The following SON variants were observed in gnomAD, a reference collection of about 807,000 sequenced individuals.
The protein encoded by SON is SON DNA and RNA binding protein.
A neutral mutation model predicts 173.3 loss-of-function variants in SON; 4 were observed. That is an observed-to-expected ratio of 0.02 (90% CI 0.01 to 0.05). The LOEUF is 0.05. Among genes scored for constraint, SON ranks in the 10% least tolerant of loss-of-function variants. SON has a pLI of 1.00. For missense variants in SON, 2,626 were observed against 3,055.3 expected (o/e 0.86, Z 3.31); for synonymous variants, 1,190 against 1,105.9 (o/e 1.08, Z -1.51).
In SON at chr21:33,555,245, TAAG is replaced by T; in HGVS notation, c.6019_6021del (p.Arg2008del). 2.5e-6 allele frequency: 4 copies of T among 1,611,788 alleles called. No individual in the cohort carries two copies. The highest frequency in any genetic ancestry group is 3.4e-6 in the Non-Finnish European group (4 of 1,179,288). ...CGCCGGAGAAGATCAAGGTCTGTGG[TAAG>T]AAGACGAAGCTTCAGTATCTCACCA... On this transcript the variant is annotated inframe_deletion, in exon 3 of 12. Transcript: ENST00000356577.
rs375551911 is a variant in SON, at chr21:33,559,839, T to A, written c.6657+64T>A. The A allele has an allele frequency of 6.2e-7, 1 of 1,604,326 alleles. No individual in the cohort carries two copies. Among genetic ancestry groups the A allele is most frequent in the Non-Finnish European group, 8.5e-7 (1 of 1,173,682 alleles). On this transcript the variant is annotated intron_variant, in intron 6 of 11. Transcript: ENST00000356577. The surrounding 1 kb of genome is among the most constrained non-coding windows in gnomAD (Gnocchi z 4.1). ...ACCTGAATCTGCCATTTCATTGTTA[T>A]GTTATGTCTGATTTGGATTCTGTTT...
At chr21:33,567,313 A>T in intron 7 of SON, 46 bp downstream of exon 7, 1 of 1,055,028 alleles carries the variant, frequency 9.5e-7, no homozygotes, top group Non-Finnish European at 1.5e-6. Context: ...CCATCAGCCA[A>T]CTCACACCAA....
intron 8 of SON, 159 bp downstream of exon 8, chr21:33,569,246 G>A (rs1449528953): frequency 5.4e-6 from 3 of 552,450 alleles, no homozygotes; most frequent in Non-Finnish European, 9.9e-6. Flanking sequence ...AGACGGACTG[G>A]ATTCATGAGA....
chr21:33,546,019 T>C (rs375956865), intron 1 of SON, among the ~76,000 whole-genome samples, 194 bp from the exon 2 acceptor site: 37 of 152,374 alleles, frequency 2.4e-4, no homozygotes, highest in African/African-American at 7.7e-4. Context: ...CTGAAAACTT[T>C]AATTGTATAA....
chr21:33,552,343 G>A lies in SON; in HGVS notation c.3112G>A (p.Glu1038Lys). Residue 1038 changes from glutamate (E) to lysine (K), a missense_variant, in exon 3 of 12, where the codon GAG becomes AAG. By Grantham distance (56) the Glu-to-Lys change is moderately conservative (BLOSUM62 1). Coordinates refer to ENST00000356577, the MANE Select transcript of SON (RefSeq NM_138927.4). The surrounding 1 kb of genome is among the most constrained non-coding windows in gnomAD (Gnocchi z 5.6). Reference protein sequence around the residue: ...MAERSMMSAYERSMMSAYERS... With the variant: ...MAERSMMSAYKRSMMSAYERS... ...TGAACGCTCTATGATGTCAGCCTAC[G>A]AGCGCTCTATGATGTCAGCCTACGA... The A allele has an allele frequency of 6.2e-7, 1 of 1,613,220 alleles. No individual in the cohort carries two copies. Among genetic ancestry groups the A allele is most frequent in the Non-Finnish European group, 8.5e-7 (1 of 1,179,500 alleles).
rs1192608177 is a variant in SON, at chr21:33,554,918, A to C, written c.5687A>C (p.Lys1896Thr). The change falls in exon 3 of 12, where the codon AAG (lysine) becomes ACG (threonine). Residue 1896 changes from lysine (K) to threonine (T), a missense_variant. By Grantham distance (78) the Lys-to-Thr change is moderately conservative. Around this residue, in one of 13 missense-constraint regions of SON, gnomAD observed 1,006 missense variants for 895.6 expected, o/e 1.12. Transcript: ENST00000356577. ...VSKEKRKRSP[K>T]HRSKSRERKR... is the part of the protein sequence containing the mutation. ...AAAGAGAAGCGCAAAAGATCTCCAA[A>C]GCACAGATCCAAGTCTAGGGAAAGA... The C allele has an allele frequency of 1.2e-6, 2 of 1,614,206 alleles. No homozygotes were observed. The highest frequency in any genetic ancestry group is 2.2e-5 in the South Asian group (2 of 91,088).
At position 33,553,837 on chromosome 21, in the gene SON, A is replaced by G; in HGVS notation, c.4606A>G (p.Ile1536Val). The G allele has an allele frequency of 6.2e-7, 1 of 1,613,890 alleles. No individual in the cohort carries two copies. The highest frequency in any genetic ancestry group is 8.5e-7 in the Non-Finnish European group (1 of 1,179,818). ...SEHGINIDLN[I>V]NNHLIAKEME... is the part of the protein sequence containing the mutation. ...ACATGGTATAAATATAGACCTTAAT[A>G]TAAATAATCATTTAATTGCTAAAGA... is the stretch of plus-strand genomic sequence containing the variant. The change falls in exon 3 of 12, where the codon ATA becomes GTA. Residue 1536 changes from isoleucine (I) to valine (V), a missense_variant. Ile to Val is a conservative substitution (Grantham distance 29). Coordinates refer to ENST00000356577, the MANE Select transcript of SON (RefSeq NM_138927.4).
chr21:33,546,142 G>A (rs1003428164), intron 1 of SON, 71 bp from the exon 2 acceptor site: 38 of 1,316,618 alleles, frequency 2.9e-5, no homozygotes, highest in East Asian at 5.0e-5. Flanking sequence ...TATGATTATT[G>A]TAATTAATTG....
Position 33,554,212 on chromosome 21 carries a change from G to A in SON, c.4981G>A (p.Ala1661Thr), listed in dbSNP as rs2085897491. 1.9e-6 allele frequency: 3 copies of A among 1,614,072 alleles called. No individual in the cohort carries two copies. Among genetic ancestry groups the A allele is most frequent in the Non-Finnish European group, 2.5e-6 (3 of 1,179,934 alleles). ...SEADIEGPLP[A>T]KDIHLDLPSN... The stretch of plus-strand genomic sequence containing the variant: ...AGCTGACATTGAAGGGCCTTTGCCT[G>A]CTAAAGATATTCATCTTGATTTACC... The change falls in exon 3 of 12, where the codon GCT becomes ACT. Residue 1661 changes from alanine (A) to threonine (T), a missense_variant. Physicochemically the swap from Ala to Thr is moderately conservative, Grantham distance 58. This residue lies in a region of SON where 1,006 missense variants were observed against 895.6 expected (regional missense o/e 1.12). Coordinates refer to ENST00000356577, the MANE Select transcript of SON (RefSeq NM_138927.4).
At chr21:33,557,778 C>A in intron 4 of SON, 1 of 1,267,044 alleles carries the variant, frequency 7.9e-7, no homozygotes, top group South Asian at 1.7e-5. Context: ...AAAGGAACTT[C>A]TTTCGCATCA....
At chr21:33,570,425 C>G (rs1339103436) in intron 8 of SON, among the ~76,000 whole-genome samples, 5 of 152,158 alleles carry the variant, frequency 3.3e-5, no homozygotes, top group African/African-American at 1.2e-4. Flanking sequence ...ATCATGTATA[C>G]TCATTATGCC....
At position 33,566,206 on chromosome 21, in the gene SON, A is replaced by T. The variant is rs2086167863; in HGVS notation, c.6658-951A>T. On this transcript the variant is annotated intron_variant, in intron 6 of 11. Coordinates refer to ENST00000356577, the MANE Select transcript of SON (RefSeq NM_138927.4). ...GTCAGATAAGCATTTTACAAAAATGAATTTTCTTGTGTGAGATAACTAGGA... is the reference window on the plus strand; with the variant it reads ...GTCAGATAAGCATTTTACAAAAATGTATTTTCTTGTGTGAGATAACTAGGA... Among the ~76,000 whole-genome samples the T allele has an allele frequency of 2.6e-5, 4 of 152,164 alleles. No homozygotes were observed. In the South Asian group the frequency reaches 8.3e-4, roughly 31 times the overall value.
chr21:33,558,770 T>C (rs2086014247), intron 4 of SON: 1 of 152,252 alleles, frequency 6.6e-6, no homozygotes, highest in African/African-American at 2.4e-5. Flanking sequence ...ATTCCTTGAT[T>C]CTCTAACTCT....
At position 33,550,839 on chromosome 21, in the gene SON, G is replaced by A. The variant is rs139754407; in HGVS notation, c.1608G>A (p.Leu536=). The change falls in exon 3 of 12, where the codon TTG becomes TTA. Residue 536 remains leucine (L), a synonymous_variant. Coordinates refer to ENST00000356577, the MANE Select transcript of SON (RefSeq NM_138927.4). ...GHPEVTTATG[L]LGQPEATMVL... is the part of the protein sequence containing the mutation. The stretch of plus-strand genomic sequence containing the variant: ...CTGAGGTGACAACGGCAACAGGGTT[G>A]CTGGGGCAGCCTGAGGCAACGATGG... 4 of 1,613,646 alleles carry A rather than the reference G, an allele frequency of 2.5e-6. No homozygotes were observed. Among genetic ancestry groups the A allele is most frequent in the South Asian group, 1.1e-5 (1 of 91,094 alleles).
At chr21:33,556,906 A>T in intron 3 of SON, among the ~76,000 whole-genome samples, 1 of 151,808 alleles carries the variant, frequency 6.6e-6, no homozygotes, top group Non-Finnish European at 1.5e-5. Context: ...GGGAAGCTCA[A>T]TATGTGGACT....
chr21:33,550,556 C>T lies in SON; in HGVS notation c.1325C>T (p.Ser442Phe). Reference sequence around the variant, plus strand: ...GCAGTGCCTGAGTTGCCAGGGCCCTCTGTGACACCAGTGCCACAGTTGTCG... The same window carrying T: ...GCAGTGCCTGAGTTGCCAGGGCCCTTTGTGACACCAGTGCCACAGTTGTCG... ...ATAVPELPGP[S>F]VTPVPQLSQE... is the part of the protein sequence containing the mutation. Residue 442 changes from serine (S) to phenylalanine (F), a missense_variant, in exon 3 of 12, where the codon TCT (serine) becomes TTT (phenylalanine). Around this residue, in one of 13 missense-constraint regions of SON, gnomAD observed 757 missense variants for 730.1 expected, o/e 1.04. Transcript: ENST00000356577. 6.2e-7 allele frequency: 1 copy of T among 1,613,914 alleles called. No individual in the cohort carries two copies. Among genetic ancestry groups the T allele is most frequent in the Non-Finnish European group, 8.5e-7 (1 of 1,179,940 alleles).
intron 7 of SON, 41 bp downstream of exon 7, chr21:33,567,308 A>G: frequency 8.8e-7 from 1 of 1,134,848 alleles, no homozygotes; most frequent in Non-Finnish European, 1.3e-6. Flanking sequence ...ATTTACCATC[A>G]GCCAACTCAC....
In SON at chr21:33,549,909, A is replaced by G; in HGVS notation, c.678A>G (p.Ser226=). The G allele has an allele frequency of 6.2e-7, 1 of 1,614,210 alleles. No individual in the cohort carries two copies. The highest frequency in any genetic ancestry group is 8.5e-7 in the Non-Finnish European group (1 of 1,179,994). Reference sequence around the variant, plus strand: ...CTACATCAGTAATCTCAGAGCAGTCAGAGCAGTCTGTGGCAGTAATGCCAG... The same window carrying G: ...CTACATCAGTAATCTCAGAGCAGTCGGAGCAGTCTGTGGCAGTAATGCCAG... ...VVSTSVISEQ[S]EQSVAVMPEP... is the part of the protein sequence containing the mutation. The change falls in exon 3 of 12, where the codon TCA becomes TCG. Residue 226 remains serine (S), a synonymous_variant. Coordinates refer to ENST00000356577, the MANE Select transcript of SON (RefSeq NM_138927.4).
intron 9 of SON, 153 bp from the exon 10 acceptor site, chr21:33,575,443 G>A (rs1023554422): frequency 4.0e-6 from 2 of 504,766 alleles, no homozygotes; most frequent in East Asian, 3.0e-5. Flanking sequence ...CAGTAAAAGA[G>A]AAGAAAGAGA....
Sources: gnomAD v4.1 joint callset for allele counts (sites outside exome capture counted in the v4.1 genomes callset) on GRCh38, gnomAD v4.1.1 for gene constraint, gnomAD v4.1.1 regional missense constraint, Gnocchi (gnomAD v3.1) non-coding constraint, MANE v1.5 for transcripts, NCBI Gene and HGNC (gene_info 2026-07-23, HGNC 2026-07-21) for gene names.